TOP6BL: variants seen among roughly 807,000 people sequenced by gnomAD.
TOP6BL encodes TOP6B like initiator of meiotic double strand breaks.
chr11:66,823,197 G>C, the TOP6BL span, among the ~76,000 whole-genome samples: 2 of 151,722 alleles, frequency 1.3e-5, no homozygotes, highest in South Asian at 4.2e-4. Context: ...AGAAGGCTGA[G>C]GCAGGAGAAT....
the TOP6BL span, chr11:66,804,309 A>G: frequency 1.1e-6 from 1 of 937,910 alleles, no homozygotes; most frequent in South Asian, 2.0e-5. Context: ...ATTTGTATAA[A>G]AACATATAAT....
chr11:66,796,429 CTG>C, the TOP6BL span: 1 of 1,222,038 alleles, frequency 8.2e-7, no homozygotes, highest in South Asian at 1.3e-5. Flanking sequence ...GAGACCTTTA[CTG>C]TGTAGGACAT....
the TOP6BL span, chr11:66,843,449 G>A: frequency 7.1e-7 from 1 of 1,402,384 alleles, no homozygotes; most frequent in Non-Finnish European, 9.2e-7. Flanking sequence ...CCGCGGGTCA[G>A]GGCGCAATGG....
At chr11:66,836,979 G>A in the TOP6BL span, among the ~76,000 whole-genome samples, 1 of 149,556 alleles carries the variant, frequency 6.7e-6, no homozygotes, top group African/African-American at 2.5e-5. Flanking sequence ...GATTATAGGC[G>A]TGAGCTACCG....
At chr11:66,829,355 C>T in the TOP6BL span, among the ~76,000 whole-genome samples, 4 of 151,936 alleles carry the variant, frequency 2.6e-5, no homozygotes, top group African/African-American at 7.2e-5. Flanking sequence ...GTAGGTGGAC[C>T]GCCTGAGGTC....
At chr11:66,821,577 G>T in the TOP6BL span, 6 of 1,516,172 alleles carry the variant, frequency 4.0e-6, no homozygotes, top group South Asian at 7.2e-5. Context: ...TTTAAGACTA[G>T]CTTTTGCAGA....
the TOP6BL span, among the ~76,000 whole-genome samples, chr11:66,760,609 C>G: frequency 8.2e-6 from 1 of 122,548 alleles, no homozygotes; most frequent in African/African-American, 3.1e-5. Flanking sequence ...AGCACCATCA[C>G]GAGACCCCAT....
At chr11:66,805,833 T>C in the TOP6BL span, among the ~76,000 whole-genome samples, 3 of 152,202 alleles carry the variant, frequency 2.0e-5, no homozygotes, top group Non-Finnish European at 2.9e-5. Context: ...TTGAATATTC[T>C]AAAATCCATT....
the TOP6BL span, among the ~76,000 whole-genome samples, chr11:66,808,942 TTGTGTGTGTGTGTGCGTG>T: frequency 1.3e-5 from 2 of 151,832 alleles, no homozygotes; most frequent in Admixed American, 1.3e-4. Flanking sequence ...TGAGACAGAT[TTGTGTGTGTGTGTGCGTG>T]TGTGTGACGG....
the TOP6BL span, among the ~76,000 whole-genome samples, chr11:66,774,248 A>G: frequency 6.6e-6 from 1 of 152,126 alleles, no homozygotes; most frequent in Non-Finnish European, 1.5e-5. Flanking sequence ...TACTTTACCC[A>G]GTAATTTATA....
the TOP6BL span, among the ~76,000 whole-genome samples, chr11:66,751,262 T>C: frequency 1.3e-5 from 2 of 152,138 alleles, no homozygotes; most frequent in African/African-American, 4.8e-5. Flanking sequence ...CGCCAGGATC[T>C]CGGCTGGCTG....
the TOP6BL span, among the ~76,000 whole-genome samples, chr11:66,836,652 A>G: frequency 2.2e-4 from 32 of 148,344 alleles, 1 homozygote; most frequent in Middle Eastern, 3.2e-3. Context: ...CAGGAGTTTG[A>G]GACCAGCCTG....
chr11:66,805,220 C>T, the TOP6BL span, among the ~76,000 whole-genome samples: 2 of 152,048 alleles, frequency 1.3e-5, no homozygotes, highest in Admixed American at 6.6e-5. Context: ...GGTGACAGAG[C>T]AAGACTCTGC....
chr11:66,773,837 A>G, the TOP6BL span, among the ~76,000 whole-genome samples: 2 of 151,946 alleles, frequency 1.3e-5, no homozygotes, highest in African/African-American at 2.4e-5. Context: ...CCCAGGTTCA[A>G]GCGATTCTCC....
the TOP6BL span, among the ~76,000 whole-genome samples, chr11:66,810,939 T>C: frequency 6.6e-6 from 1 of 152,172 alleles, no homozygotes; most frequent in East Asian, 1.9e-4. Flanking sequence ...CCTAAAGTTA[T>C]CCTGCAGTTC....
chr11:66,786,940 T>TTG, the TOP6BL span, among the ~76,000 whole-genome samples: 2 of 151,738 alleles, frequency 1.3e-5, no homozygotes, highest in African/African-American at 4.8e-5. Context: ...TTGTTTTGTT[T>TTG]TTTTTTTTTT....
chr11:66,801,132 G>C, the TOP6BL span: 3 of 1,597,876 alleles, frequency 1.9e-6, no homozygotes, highest in South Asian at 3.3e-5. Flanking sequence ...TTGTCCCTCT[G>C]CATGTTTTAC....
the TOP6BL span, chr11:66,822,448 T>C: frequency 1.5e-6 from 1 of 650,932 alleles, no homozygotes; most frequent in Admixed American, 2.9e-5. Context: ...CTTTTGTTGA[T>C]GGATAGGAAG....
the TOP6BL span, among the ~76,000 whole-genome samples, chr11:66,762,795 C>A: frequency 6.6e-6 from 1 of 152,092 alleles, no homozygotes; most frequent in Non-Finnish European, 1.5e-5. Context: ...TTGGTCATAT[C>A]AAAGAAAACA....
Sources: gnomAD v4.1 joint callset for allele counts (sites outside exome capture counted in the v4.1 genomes callset) on GRCh38, gnomAD v4.1.1 for gene constraint, MANE v1.5 for transcripts, NCBI Gene and HGNC (gene_info 2026-07-23, HGNC 2026-07-21) for gene names.